The following ZC4H2 variants were observed in gnomAD, a reference collection of about 807,000 sequenced individuals.
ZC4H2 encodes zinc finger C4H2 domain-containing protein.
For synonymous variants in ZC4H2, 84 were observed against 66.3 expected (o/e 1.27, Z -1.30); for missense variants, 137 against 173.9 (o/e 0.79, Z 1.19).
At chrX:64,945,337 C>G (rs1212085888) in intron 1 of ZC4H2, among the ~76,000 whole-genome samples, 4 of 112,116 alleles carry the variant, frequency 3.6e-5, no homozygotes, top group Non-Finnish European at 7.5e-5. Context: ...CAGTGAGTCC[C>G]CTCTTCTGCA....
chrX:64,923,705 T>C (rs964675574), intron 1 of ZC4H2, among the ~76,000 whole-genome samples: 2 of 108,470 alleles, frequency 1.8e-5, no homozygotes, highest in Non-Finnish European at 3.8e-5. Flanking sequence ...TTTGTAACCT[T>C]AGAAATGGGT....
chrX:65,014,851 A>G (rs139930739), intron 1 of ZC4H2, among the ~76,000 whole-genome samples: 105 of 112,180 alleles, frequency 9.4e-4, no homozygotes, highest in African/African-American at 3.3e-3. Flanking sequence ...ATGATACAGA[A>G]AGCAAAAATC....
At chrX:65,018,117 A>T (rs894938167) in intron 1 of ZC4H2, among the ~76,000 whole-genome samples, 1 of 112,644 alleles carries the variant, frequency 8.9e-6, no homozygotes, top group Non-Finnish European at 1.9e-5. Context: ...AAGGAACTTA[A>T]ATCAACAAGC....
chrX:65,002,998 A>G (rs2147280646), intron 1 of ZC4H2, among the ~76,000 whole-genome samples: 1 of 109,009 alleles, frequency 9.2e-6, no homozygotes, highest in South Asian at 4.0e-4. Context: ...TCCCTCCACT[A>G]TTGTCCTATG....
At position 64,919,125 on chromosome X, in the gene ZC4H2, C is replaced by A; in HGVS notation, c.478G>T (p.Ala160Ser). Residue 160 changes from alanine (A) to serine (S), a missense_variant, in exon 4 of 5, where the codon GCT becomes TCT. Coordinates refer to ENST00000374839, the MANE Select transcript of ZC4H2 (RefSeq NM_018684.4). ...PIPESLAAAA[A>S]AAQQLQVARK... ...GCCACTTGGAGCTGTTGGGCGGCAGCGGCTGCAGCGGCCAGGGACTCAGGG... is the reference window on the plus strand; with the variant it reads ...GCCACTTGGAGCTGTTGGGCGGCAGAGGCTGCAGCGGCCAGGGACTCAGGG... The A allele has an allele frequency of 8.3e-7, 1 of 1,203,988 alleles. No individual in the cohort carries two copies. The highest frequency in any genetic ancestry group is 1.1e-6 in the Non-Finnish European group (1 of 891,080).
At chrX:64,959,381 T>C (rs764682379) in intron 1 of ZC4H2, among the ~76,000 whole-genome samples, 1 of 100,644 alleles carries the variant, frequency 9.9e-6, no homozygotes, top group Non-Finnish European at 2.0e-5. Flanking sequence ...GCTAATCAGT[T>C]ATTTTATTTA....
intron 1 of ZC4H2, among the ~76,000 whole-genome samples, chrX:64,971,074 T>C (rs745842636): frequency 8.9e-6 from 1 of 112,651 alleles, no homozygotes; most frequent in East Asian, 2.8e-4. Context: ...ATGCAATGTA[T>C]GTTGATAATT....
intron 1 of ZC4H2, among the ~76,000 whole-genome samples, chrX:65,024,519 C>T (rs1932861554): frequency 9.0e-6 from 1 of 111,718 alleles, no homozygotes; most frequent in South Asian, 3.7e-4. Context: ...ACAGCAATCA[C>T]ATTCCTGGGT....
chrX:65,017,162 G>A (rs1932802749), intron 1 of ZC4H2, among the ~76,000 whole-genome samples: 2 of 111,824 alleles, frequency 1.8e-5, no homozygotes, highest in South Asian at 7.6e-4. Flanking sequence ...ACCTCTTTGG[G>A]CTTAATAGTC....
chrX:64,935,960 A>G (rs1929990594), intron 1 of ZC4H2, among the ~76,000 whole-genome samples: 1 of 110,854 alleles, frequency 9.0e-6, no homozygotes, highest in Admixed American at 9.7e-5. Flanking sequence ...GAAGGTGGGT[A>G]ATAACAAACT....
intron 1 of ZC4H2, among the ~76,000 whole-genome samples, chrX:64,988,707 G>T (rs1195974184): frequency 9.0e-6 from 1 of 110,770 alleles, no homozygotes; most frequent in African/African-American, 3.3e-5. Context: ...CTTTTGCTGT[G>T]CAGAAGCTCT....
chrX:64,986,296 A>C (rs752509189), intron 1 of ZC4H2, among the ~76,000 whole-genome samples: 1 of 112,169 alleles, frequency 8.9e-6, no homozygotes, highest in Non-Finnish European at 1.9e-5. Flanking sequence ...TCCAGTCCCA[A>C]GCTAGATGCT....
chrX:65,002,205 C>T (rs1230014480), intron 1 of ZC4H2, among the ~76,000 whole-genome samples: 1 of 112,332 alleles, frequency 8.9e-6, no homozygotes, highest in African/African-American at 3.2e-5. Context: ...AAGTAAAACA[C>T]TCCTGAGCAA....
chrX:65,003,551 G>A (rs780171694), intron 1 of ZC4H2, among the ~76,000 whole-genome samples: 32 of 111,302 alleles, frequency 2.9e-4, no homozygotes, highest in Admixed American at 5.7e-4. Flanking sequence ...TAATAAAGAA[G>A]AAAAAAGAGA....
intron 1 of ZC4H2, among the ~76,000 whole-genome samples, chrX:65,026,972 A>G (rs1449425131): frequency 8.9e-6 from 1 of 112,271 alleles, no homozygotes; most frequent in East Asian, 2.8e-4. Flanking sequence ...TCAGCATAAG[A>G]AAGCAACCAG....
chrX:64,981,803 GT>G (rs1274411159), intron 1 of ZC4H2, among the ~76,000 whole-genome samples: 2 of 111,371 alleles, frequency 1.8e-5, no homozygotes, highest in Non-Finnish European at 3.8e-5. Context: ...TGAGGGGTGT[GT>G]TTGAAGCCTT....
At chrX:65,008,957 G>A (rs760396667) in intron 1 of ZC4H2, among the ~76,000 whole-genome samples, 16 of 111,612 alleles carry the variant, frequency 1.4e-4, no homozygotes, top group African/African-American at 3.3e-4. Context: ...ATAACTAAAA[G>A]AGTAGAATTA....
intron 1 of ZC4H2, among the ~76,000 whole-genome samples, chrX:65,010,885 C>A (rs999806307): frequency 4.5e-5 from 5 of 111,785 alleles, no homozygotes; most frequent in African/African-American, 1.6e-4. Flanking sequence ...TTCATAGTTA[C>A]TATTTTCAAA....
chrX:65,017,691 C>T (rs1245343198), intron 1 of ZC4H2, among the ~76,000 whole-genome samples: 1 of 112,053 alleles, frequency 8.9e-6, no homozygotes, highest in Non-Finnish European at 1.9e-5. Flanking sequence ...TCCTCCAGCA[C>T]TTCTGAAGCT....
Sources: allele counts gnomAD v4.1 joint callset (sites outside exome capture counted in the v4.1 genomes callset), GRCh38; gene constraint gnomAD v4.1.1; transcripts MANE v1.5; gene names NCBI Gene and HGNC (gene_info 2026-07-23, HGNC 2026-07-21).